BANP: variants seen among roughly 807,000 people sequenced by gnomAD.
BANP encodes protein BANP.
Under a neutral mutation model 68.1 loss-of-function variants are expected in BANP, and 11 were observed. The observed-to-expected ratio is 0.16, with a 90% CI of 0.10 to 0.27. The LOEUF (loss-of-function observed/expected upper bound fraction) is 0.27, where lower values mean the gene tolerates loss of function less well. Among genes scored for constraint, BANP ranks in the 10% least tolerant of loss-of-function variants. The pLI is 1.00. For missense variants in BANP, 504 were observed against 722.7 expected (o/e 0.70, Z 3.47); for synonymous variants, 329 against 303.2 (o/e 1.09, Z -0.88).
chr16:88,051,543 G>A (rs989765907), intron 11 of BANP, among the ~76,000 whole-genome samples: 18 of 152,152 alleles, frequency 1.2e-4, no homozygotes, highest in Non-Finnish European at 2.4e-4. Context: ...TGCTGAGCGC[G>A]ATGTGTTCCC....
Position 88,006,176 on chromosome 16 carries a change from C to T in BANP, c.566C>T (p.Ser189Leu), listed in dbSNP as rs143791417. The change falls in exon 6 of 14, where the codon TCG becomes TTG. Residue 189 changes from serine to leucine, a missense_variant. Ser to Leu is a moderately radical substitution (Grantham distance 145). Around this residue, in one of 3 missense-constraint regions of BANP, gnomAD observed 238 missense variants for 278.9 expected, o/e 0.85. Coordinates refer to ENST00000682872, the MANE Select transcript of BANP (RefSeq NM_001386991.1). ...DSHHEDGESGSEASDSVSSCG... is the reference protein window; with the variant it reads ...DSHHEDGESGLEASDSVSSCG... ...CACCACGAGGACGGGGAGAGCGGCT[C>T]GGAGGCCAGCGACTCTGTGTCCAGC... 9.3e-6 allele frequency: 15 copies of T among 1,613,714 alleles called. No individual in the cohort carries two copies. The highest frequency in any genetic ancestry group is 2.7e-5 in the African/African-American group (2 of 74,904).
chr16:87,958,553 G>A (rs2058538590), intron 1 of BANP, among the ~76,000 whole-genome samples: 1 of 151,462 alleles, frequency 6.6e-6, no homozygotes, highest in African/African-American at 2.4e-5. Flanking sequence ...CCATCCACTG[G>A]GCCAGGCATG....
intron 6 of BANP, chr16:88,017,072 G>C (rs971493964): frequency 3.2e-4 from 49 of 152,266 alleles, no homozygotes; most frequent in African/African-American, 1.2e-3. Context: ...GCAGCCACAG[G>C]CTTCTCGGCT....
intron 11 of BANP, among the ~76,000 whole-genome samples, chr16:88,056,496 AATG>A (rs1190017365): frequency 6.6e-6 from 1 of 151,344 alleles, no homozygotes; most frequent in East Asian, 1.9e-4. Flanking sequence ...ACTTAGATGA[AATG>A]ATGACTGAAA....
At chr16:88,073,391 T>C (rs538026914) in intron 13 of BANP, among the ~76,000 whole-genome samples, 2 of 151,756 alleles carry the variant, frequency 1.3e-5, no homozygotes, top group East Asian at 3.9e-4. Context: ...CGGTGGCCCC[T>C]GCAGAGGCAC....
intron 1 of BANP, among the ~76,000 whole-genome samples, chr16:87,960,849 A>C (rs879807021): frequency 6.6e-5 from 10 of 152,248 alleles, no homozygotes; most frequent in African/African-American, 2.4e-4. Context: ...TTAGCCTCTC[A>C]CCTCAAAGAA....
At chr16:88,030,556 TG>T in intron 8 of BANP, among the ~76,000 whole-genome samples, 1 of 152,236 alleles carries the variant, frequency 6.6e-6, no homozygotes, top group Non-Finnish European at 1.5e-5. Context: ...TTATATAACC[TG>T]ACGACTGCCA....
chr16:88,019,499 G>T (rs1289737692), intron 7 of BANP, among the ~76,000 whole-genome samples: 2 of 149,132 alleles, frequency 1.3e-5, no homozygotes, highest in Non-Finnish European at 3.0e-5. Flanking sequence ...GAAACAGGGC[G>T]AGCGAGGCAG....
intron 3 of BANP, chr16:87,982,791 G>C (rs534326370): frequency 6.6e-6 from 1 of 152,276 alleles, no homozygotes; most frequent in South Asian, 2.1e-4. Context: ...CTGCAGGGCT[G>C]TCCCTGCCAC....
rs1253533948 is a variant in BANP at position 88,038,510 on chromosome 16, A to G, written c.1311+499A>G. ...CCCTTCAGATGGTTATTTTCTGCAC[A>G]CGCATGCGTATGTTGATGGTGGTCA... On this transcript the variant is annotated intron_variant, in intron 11 of 13. Coordinates refer to ENST00000682872, the MANE Select transcript of BANP (RefSeq NM_001386991.1). Among the ~76,000 whole-genome samples the G allele has an allele frequency of 1.3e-4, 17 of 132,626 alleles. No individual in the cohort carries two copies. In the Admixed American group the frequency reaches 1.5e-3, roughly 12 times the overall value. 87.0% of individuals were successfully genotyped at this position (132,626 alleles called of 152,430 possible). A position where few individuals can be genotyped will look rare whatever the true frequency, so the allele number is the denominator to read the frequency against.
Position 88,064,804 on chromosome 16 carries a change from C to G in BANP, c.1312-463C>G, listed in dbSNP as rs1302294312. 1.3e-5 allele frequency among the ~76,000 whole-genome samples: 2 copies of G among 152,244 alleles called. No individual in the cohort carries two copies. Among genetic ancestry groups the G allele is most frequent in the Admixed American group, 1.3e-4 (2 of 15,292 alleles). On this transcript the variant is annotated intron_variant, in intron 11 of 13. Transcript: ENST00000682872. The surrounding 1 kb of genome is among the most constrained non-coding windows in gnomAD (Gnocchi z 4.5). Reference sequence around the variant, plus strand: ...GCACTCCTCTGGCTGGGATAGGAGACAGCCAGGACCCCTCAGCTTCTGAGG... The same window carrying G: ...GCACTCCTCTGGCTGGGATAGGAGAGAGCCAGGACCCCTCAGCTTCTGAGG...
chr16:88,019,384 A>C (rs1419314127), intron 7 of BANP, among the ~76,000 whole-genome samples: 2 of 151,980 alleles, frequency 1.3e-5, no homozygotes, highest in Non-Finnish European at 2.9e-5. Flanking sequence ...CAAACGCAAG[A>C]GACACGAGGC....
At chr16:87,973,709 C>T (rs1216189428) in intron 1 of BANP, among the ~76,000 whole-genome samples, 3 of 140,068 alleles carry the variant, frequency 2.1e-5, no homozygotes, top group Non-Finnish European at 4.5e-5. Context: ...GCCGAGATTG[C>T]GCCATTGCAT....
At chr16:87,978,719 A>G (rs1205002710) in intron 2 of BANP, 3 of 464,678 alleles carry the variant, frequency 6.5e-6, no homozygotes, top group Non-Finnish European at 1.3e-5. Flanking sequence ...TTTTAACAGT[A>G]ATACCAGTGT....
Position 88,003,666 on chromosome 16 carries a change from G to T in BANP, c.363-629G>T, listed in dbSNP as rs1184134669. On this transcript the variant is annotated intron_variant, in intron 4 of 13. Transcript: ENST00000682872. The surrounding 1 kb of genome is among the most constrained non-coding windows in gnomAD (Gnocchi z 6.1). Reference sequence around the variant, plus strand: ...CAGGCTTGCTGGTTTCTGGGCCATGGTCTGTTCTTTTGTAGAATCTTTTCC... The same window carrying T: ...CAGGCTTGCTGGTTTCTGGGCCATGTTCTGTTCTTTTGTAGAATCTTTTCC... 7.9e-6 allele frequency: 3 copies of T among 382,000 alleles called. No individual in the cohort carries two copies. The highest frequency in any genetic ancestry group is 1.5e-5 in the Non-Finnish European group (3 of 194,188). The allele number at this position is 382,000 out of a possible 1,614,324, so 23.7% of individuals were successfully genotyped here.
chr16:88,016,861 C>G (rs2074695753), intron 6 of BANP, among the ~76,000 whole-genome samples: 1 of 152,224 alleles, frequency 6.6e-6, no homozygotes, highest in African/African-American at 2.4e-5. Context: ...CCTTACTCAT[C>G]TGTGTCCTGA....
rs563474363 is a variant in BANP at position 88,020,767 on chromosome 16, C to T, written c.895+2100C>T. Among the ~76,000 whole-genome samples the T allele has an allele frequency of 2.7e-4, 41 of 152,318 alleles. No homozygotes were observed. The South Asian group carries it at 7.7e-3, about 29-fold the overall frequency. Reference sequence around the variant, plus strand: ...GGGCCTTGGATGTGAAGCTGGAGGCCGGCTGGCTCTGCCTTGGAGACGGTG... The same window carrying T: ...GGGCCTTGGATGTGAAGCTGGAGGCTGGCTGGCTCTGCCTTGGAGACGGTG... On this transcript the variant is annotated intron_variant, in intron 7 of 13. Coordinates refer to ENST00000682872, the MANE Select transcript of BANP (RefSeq NM_001386991.1).
intron 11 of BANP, among the ~76,000 whole-genome samples, chr16:88,054,231 C>T (rs2084295557): frequency 8.3e-6 from 1 of 119,868 alleles, no homozygotes; most frequent in Admixed American, 8.2e-5. Context: ...CCTTCACTAT[C>T]ATCACCATCA....
chr16:87,981,211 C>A, intron 3 of BANP, 84 bp downstream of exon 3: 1 of 1,016,110 alleles, frequency 9.8e-7, no homozygotes, highest in Non-Finnish European at 1.5e-6. Flanking sequence ...AATGGGATGG[C>A]TTCAAAATGT....
Sources: allele counts gnomAD v4.1 joint callset (sites outside exome capture counted in the v4.1 genomes callset), GRCh38; gene constraint gnomAD v4.1.1; regional missense constraint gnomAD v4.1.1; non-coding constraint Gnocchi (gnomAD v3.1); transcripts MANE v1.5; gene names NCBI Gene and HGNC (gene_info 2026-07-23, HGNC 2026-07-21).